AGO3: variants seen among roughly 807,000 people sequenced by gnomAD.
AGO3 encodes the protein argonaute RISC catalytic component 3.
AGO3 carries 16 observed loss-of-function variants against 105.5 expected under a neutral mutation model. The ratio of observed to expected loss-of-function variants is 0.15; its 90% CI spans 0.10 to 0.23. The LOEUF (loss-of-function observed/expected upper bound fraction) is 0.23. Ranked by LOEUF, AGO3 falls within the 10% of genes least tolerant of loss-of-function variation. The probability of loss-of-function intolerance (pLI) is 1.00; values close to 1 mark genes in which losing one functional copy is unlikely to be tolerated. For synonymous variants in AGO3, 340 were observed against 367.3 expected (o/e 0.93, Z 0.85); for missense variants, 534 against 1,088.0 (o/e 0.49, Z 7.16).
intron 3 of AGO3, among the ~76,000 whole-genome samples, chr1:35,971,007 G>T (rs1305272106): frequency 1.4e-5 from 2 of 141,866 alleles, no homozygotes; most frequent in Non-Finnish European, 3.0e-5. Context: ...GATTACAGGA[G>T]TAAGCCACCA....
intron 2 of AGO3, among the ~76,000 whole-genome samples, chr1:35,962,781 A>G (rs1646702481): frequency 6.6e-6 from 1 of 152,184 alleles, no homozygotes; most frequent in Admixed American, 6.5e-5. Flanking sequence ...AAGAAGAACC[A>G]AAAAATGTAG....
chr1:36,013,578 T>C, intron 9 of AGO3, 52 bp from the exon 10 acceptor site: 1 of 1,606,540 alleles, frequency 6.2e-7, no homozygotes, highest in East Asian at 2.2e-5. Context: ...TGCATTAAAG[T>C]AGGGGATTTG....
Position 36,057,442 on chromosome 1 carries a change from T to C in AGO3, c.*1697T>C, listed in dbSNP as rs1000903225. On this transcript the variant is annotated 3_prime_UTR_variant, in exon 19 of 19. Coordinates refer to ENST00000373191, the MANE Select transcript of AGO3 (RefSeq NM_024852.4). ...TATTAGAATAGTGCTTTAATAATTA[T>C]AGAATTGTATTGGCAGCATCTTTTA... 1.4e-4 allele frequency: 22 copies of C among 152,126 alleles called. No individual in the cohort carries two copies. Among genetic ancestry groups the C allele is most frequent in the African/African-American group, 3.1e-4 (13 of 41,432 alleles). The allele number at this position is 152,126 out of a possible 1,614,324, so 9.4% of individuals were successfully genotyped here. A position where few individuals can be genotyped will look rare whatever the true frequency, so the allele number is the denominator to read the frequency against.
chr1:35,955,811 C>G (rs1469260635), intron 2 of AGO3, among the ~76,000 whole-genome samples: 1 of 152,008 alleles, frequency 6.6e-6, no homozygotes, highest in Non-Finnish European at 1.5e-5. Context: ...CCCAGGCTGG[C>G]CTTGAACTCC....
intron 2 of AGO3, among the ~76,000 whole-genome samples, chr1:35,965,337 A>C (rs930395278): frequency 1.3e-5 from 2 of 151,846 alleles, no homozygotes; most frequent in African/African-American, 2.4e-5. Flanking sequence ...TAAAAATACA[A>C]AACTTAGCTG....
At chr1:36,010,086 A>C (rs992038408) in intron 9 of AGO3, among the ~76,000 whole-genome samples, 16 of 151,780 alleles carry the variant, frequency 1.1e-4, no homozygotes, top group East Asian at 3.9e-4. Context: ...CTACAGGCGC[A>C]TGCCACCACG....
chr1:35,963,017 G>A (rs549924758), intron 2 of AGO3, among the ~76,000 whole-genome samples: 3 of 152,282 alleles, frequency 2.0e-5, no homozygotes, highest in South Asian at 2.1e-4. Flanking sequence ...CATATTGGCT[G>A]GACGCAGGGA....
chr1:35,931,121 C>T lies in AGO3; in HGVS notation c.-306C>T. On this transcript the variant is annotated 5_prime_UTR_variant, in exon 1 of 19. Transcript: ENST00000373191. ...GCCCCGGGCAGGTCGGCGGCGGCGGCCCGCAGTCGTGGAGGAGCGGTGGGA... is the reference window on the plus strand; with the variant it reads ...GCCCCGGGCAGGTCGGCGGCGGCGGTCCGCAGTCGTGGAGGAGCGGTGGGA... 1 of 395,954 alleles carries T rather than the reference C, an allele frequency of 2.5e-6. No individual in the cohort carries two copies. The highest frequency in any genetic ancestry group is 4.5e-6 in the Non-Finnish European group (1 of 224,204). 24.5% of individuals were successfully genotyped at this position (395,954 alleles called of 1,614,324 possible).
intron 5 of AGO3, among the ~76,000 whole-genome samples, chr1:35,980,337 C>T (rs1435638555): frequency 6.6e-6 from 1 of 152,198 alleles, no homozygotes; most frequent in Non-Finnish European, 1.5e-5. Context: ...TGAGCTTATT[C>T]TACTTTTCAT....
chr1:36,027,092 A>G lies in AGO3; in HGVS notation c.1407-22A>G, dbSNP rs372200442. The G allele has an allele frequency of 2.5e-6, 4 of 1,600,478 alleles. No homozygotes were observed. In the African/African-American group the frequency reaches 5.4e-5, roughly 22 times the overall value. ...ATTCATGACTAGACAAAGGTTTTAT[A>G]TTTAGTGGTTTCTCCTTCCAGGGGT... On this transcript the variant is annotated intron_variant, in intron 11 of 18. Transcript: ENST00000373191. The surrounding 1 kb of genome is among the most constrained non-coding windows in gnomAD (Gnocchi z 4.0).
At chr1:36,014,163 A>ATTTT in intron 11 of AGO3, 115 bp downstream of exon 11, 2 of 1,145,738 alleles carry the variant, frequency 1.7e-6, no homozygotes, top group Non-Finnish European at 2.4e-6. Context: ...TCACTGAACC[A>ATTTT]TTTTTTTTTT....
At chr1:36,035,965 G>A (rs1344897780) in intron 13 of AGO3, among the ~76,000 whole-genome samples, 1 of 151,056 alleles carries the variant, frequency 6.6e-6, no homozygotes, top group African/African-American at 2.4e-5. Flanking sequence ...CTTGGGAGGT[G>A]GAGCTTGCAG....
chr1:36,026,373 G>T (rs969748428), intron 11 of AGO3, among the ~76,000 whole-genome samples: 1 of 152,098 alleles, frequency 6.6e-6, no homozygotes, highest in Non-Finnish European at 1.5e-5. Context: ...CTCCCAAATT[G>T]CTGGGATTAT....
intron 11 of AGO3, among the ~76,000 whole-genome samples, chr1:36,017,636 C>T (rs909446619): frequency 4.6e-5 from 7 of 152,168 alleles, no homozygotes; most frequent in East Asian, 1.9e-4. Flanking sequence ...CGCAGTGGCT[C>T]ACACCTGTAA....
At chr1:35,979,828 A>C (rs1273522265) in intron 5 of AGO3, among the ~76,000 whole-genome samples, 1 of 151,626 alleles carries the variant, frequency 6.6e-6, no homozygotes, top group Non-Finnish European at 1.5e-5. Flanking sequence ...TTTTTTTTTC[A>C]GGTATATCTT....
chr1:35,967,600 A>G (rs1471820550), intron 3 of AGO3, among the ~76,000 whole-genome samples: 1 of 151,990 alleles, frequency 6.6e-6, no homozygotes, highest in African/African-American at 2.4e-5. Context: ...TGTTTGTAGT[A>G]GAGATGGGGT....
At chr1:35,935,402 T>C (rs72661625) in intron 1 of AGO3, among the ~76,000 whole-genome samples, 7,262 of 152,352 alleles carry the variant, frequency 0.048, 260 homozygotes, top group South Asian at 0.083. Flanking sequence ...TAAACTAATC[T>C]GTTTAGTTTT....
At chr1:35,974,041 A>G (rs888703774) in intron 5 of AGO3, among the ~76,000 whole-genome samples, 3 of 152,292 alleles carry the variant, frequency 2.0e-5, no homozygotes, top group Middle Eastern at 6.8e-3. Context: ...GCGTAATCCG[A>G]GTACATTTCT....
rs1642326259 is a variant in AGO3, at chr1:36,043,303, C to G, written c.2173-144C>G. ...TAGGAACTAGGACCTGCGTAGTCTG[C>G]TCTGAATGACTGCTTAAGTCATATT... On this transcript the variant is annotated intron_variant, in intron 16 of 18. Transcript: ENST00000373191. The G allele has an allele frequency of 4.5e-6, 3 of 663,674 alleles. No individual in the cohort carries two copies. In the Admixed American group the frequency reaches 8.5e-5, roughly 19 times the overall value. The allele number at this position is 663,674 out of a possible 1,614,324, so 41.1% of individuals were successfully genotyped here.
Sources: allele counts gnomAD v4.1 joint callset (sites outside exome capture counted in the v4.1 genomes callset), GRCh38; gene constraint gnomAD v4.1.1; non-coding constraint Gnocchi (gnomAD v3.1); transcripts MANE v1.5; gene names NCBI Gene and HGNC (gene_info 2026-07-23, HGNC 2026-07-21).